Variants in RAB38 observed in about 807,000 individuals in gnomAD.
RAB38 encodes ras-related protein Rab-38.
RAB38 carries 15 observed loss-of-function variants against 18.4 expected under a neutral mutation model. That is an observed-to-expected ratio of 0.82 (90% CI 0.55 to 1.26). RAB38 has a LOEUF of 1.26. Ranked by LOEUF, RAB38 falls within the 50% of genes most tolerant of loss-of-function variation. The pLI is 0.00. For missense variants in RAB38, 294 were observed against 267.4 expected, an observed-to-expected ratio of 1.10 and a Z score of -0.69; for synonymous variants, 101 against 104.4, an observed-to-expected ratio of 0.97 and a Z score of 0.20.
the RAB38 span, among the ~76,000 whole-genome samples, chr11:88,106,095 A>C: frequency 2.6e-5 from 4 of 151,340 alleles, no homozygotes; most frequent in African/African-American, 9.7e-5. Flanking sequence ...TTATTAACCC[A>C]CTCTCCCTTC....
At chr11:88,045,262 C>A in the RAB38 span, among the ~76,000 whole-genome samples, 11 of 152,286 alleles carry the variant, frequency 7.2e-5, no homozygotes, top group African/African-American at 2.2e-4. Flanking sequence ...CCAAACCCCA[C>A]AACAGGACTT....
chr11:88,071,344 A>C, the RAB38 span, among the ~76,000 whole-genome samples: 5,699 of 152,146 alleles, frequency 0.037, 185 homozygotes, highest in East Asian at 0.16. Context: ...TGTACGGTGG[A>C]GGAATGGAAA....
chr11:88,033,317 T>C, the RAB38 span, among the ~76,000 whole-genome samples: 1 of 151,796 alleles, frequency 6.6e-6, no homozygotes, highest in Non-Finnish European at 1.5e-5. Flanking sequence ...GCATGGCACA[T>C]GTATACATAT....
the RAB38 span, among the ~76,000 whole-genome samples, chr11:87,842,369 T>G: frequency 1.3e-5 from 2 of 151,462 alleles, no homozygotes; most frequent in South Asian, 2.1e-4. Flanking sequence ...GGGAGGGGGG[T>G]TTCAGGAGAC....
the RAB38 span, among the ~76,000 whole-genome samples, chr11:88,046,020 T>C: frequency 2.6e-5 from 4 of 151,986 alleles, no homozygotes; most frequent in African/African-American, 9.7e-5. Context: ...TGCCACCTTT[T>C]CCCCCAGTTC....
chr11:88,156,894 C>T (rs908827221), intron 1 of RAB38, among the ~76,000 whole-genome samples: 3 of 152,098 alleles, frequency 2.0e-5, no homozygotes, highest in East Asian at 1.9e-4. Flanking sequence ...CACTTAAGTA[C>T]GTAGCCCACA....
At chr11:88,073,103 A>G in the RAB38 span, among the ~76,000 whole-genome samples, 88 of 152,274 alleles carry the variant, frequency 5.8e-4, no homozygotes, top group Non-Finnish European at 9.1e-4. Flanking sequence ...AGGGTGGACA[A>G]TCAACTTCCC....
chr11:88,036,230 CACTTTGT>C, the RAB38 span, among the ~76,000 whole-genome samples: 3 of 152,082 alleles, frequency 2.0e-5, no homozygotes, highest in African/African-American at 7.2e-5. Flanking sequence ...GTTTCAAGGT[CACTTTGT>C]ACTTACTCTG....
the RAB38 span, among the ~76,000 whole-genome samples, chr11:87,804,401 C>G: frequency 1.3e-5 from 2 of 152,114 alleles, no homozygotes; most frequent in Non-Finnish European, 2.9e-5. Context: ...TACACTGACA[C>G]CTGCTGAGGT....
chr11:88,053,215 CACACATATATATGGAATATATATAT>C, the RAB38 span, among the ~76,000 whole-genome samples: 3 of 106,810 alleles, frequency 2.8e-5, no homozygotes, highest in East Asian at 2.4e-4. Context: ...TATATATATA[CACACATATATATGGAATATATATAT>C]ACACACATAT....
the RAB38 span, among the ~76,000 whole-genome samples, chr11:88,059,230 T>A: frequency 2.6e-5 from 4 of 152,230 alleles, no homozygotes; most frequent in Non-Finnish European, 1.5e-5. Context: ...AAGCATTCAA[T>A]AAAATGCTAA....
At chr11:87,875,749 A>G in the RAB38 span, among the ~76,000 whole-genome samples, 1 of 151,588 alleles carries the variant, frequency 6.6e-6, no homozygotes, top group Non-Finnish European at 1.5e-5. Context: ...TAGCTCAATA[A>G]CATTTTATTT....
the RAB38 span, among the ~76,000 whole-genome samples, chr11:87,905,348 T>C: frequency 6.9e-6 from 1 of 145,910 alleles, no homozygotes; most frequent in African/African-American, 2.7e-5. Flanking sequence ...CATTTCTGCA[T>C]CTCTTTATTT....
chr11:88,132,892 A>C (rs1030976519), intron 2 of RAB38, among the ~76,000 whole-genome samples: 1 of 152,376 alleles, frequency 6.6e-6, no homozygotes, highest in East Asian at 1.9e-4. Flanking sequence ...TCAATAGTTT[A>C]AATGCACAAG....
the RAB38 span, among the ~76,000 whole-genome samples, chr11:87,867,315 C>T: frequency 6.6e-6 from 1 of 151,706 alleles, no homozygotes; most frequent in East Asian, 1.9e-4. Flanking sequence ...CTCCACGAGG[C>T]AGTTTTAATC....
chr11:87,932,247 A>C, the RAB38 span, among the ~76,000 whole-genome samples: 1 of 152,068 alleles, frequency 6.6e-6, no homozygotes, highest in Non-Finnish European at 1.5e-5. Flanking sequence ...CCTATGTAAC[A>C]AACCTGCACG....
chr11:88,095,942 G>A, the RAB38 span, among the ~76,000 whole-genome samples: 2 of 151,848 alleles, frequency 1.3e-5, no homozygotes, highest in African/African-American at 4.8e-5. Flanking sequence ...CTCATCCACT[G>A]CTACCCTGGT....
chr11:87,906,443 C>T, the RAB38 span, among the ~76,000 whole-genome samples: 2 of 151,822 alleles, frequency 1.3e-5, no homozygotes, highest in Non-Finnish European at 2.9e-5. Flanking sequence ...TAGAAATACT[C>T]TTTATAATTG....
At chr11:88,137,942 C>A (rs1042810885) in intron 2 of RAB38, among the ~76,000 whole-genome samples, 1 of 152,110 alleles carries the variant, frequency 6.6e-6, no homozygotes, top group Non-Finnish European at 1.5e-5. Flanking sequence ...GGAATCTATA[C>A]CCATCTAGAG....
Sources: gnomAD v4.1 joint callset for allele counts (sites outside exome capture counted in the v4.1 genomes callset) on GRCh38, gnomAD v4.1.1 for gene constraint, MANE v1.5 for transcripts, NCBI Gene and HGNC (gene_info 2026-07-23, HGNC 2026-07-21) for gene names.